The following NFASC variants were observed in gnomAD, a reference collection of about 807,000 sequenced individuals.
NFASC encodes the protein neurofascin homolog.
In NFASC, 43 loss-of-function variants were observed where a neutral mutation model predicts 147.5. The observed-to-expected ratio is 0.29, with a 90% CI of 0.23 to 0.38. NFASC has a LOEUF of 0.38. Among genes scored for constraint, NFASC ranks in the 10% least tolerant of loss-of-function variants. The probability of loss-of-function intolerance (pLI) is 1.00; values close to 1 mark genes in which losing one functional copy is unlikely to be tolerated. For missense variants in NFASC, 1,320 were observed against 1,689.0 expected (o/e 0.78, Z 3.83); for synonymous variants, 622 against 665.5 (o/e 0.93, Z 1.01).
chr1:204,969,806 G>A (rs2095154512), intron 10 of NFASC, among the ~76,000 whole-genome samples: 2 of 152,150 alleles, frequency 1.3e-5, no homozygotes, highest in South Asian at 4.1e-4. Flanking sequence ...AGCTGGGCGT[G>A]GTGGCTCATG....
chr1:205,000,949 G>A (rs1277505021), intron 25 of NFASC: 4 of 580,298 alleles, frequency 6.9e-6, no homozygotes, highest in South Asian at 3.9e-5. Context: ...CCTGGACAGC[G>A]ACCTCTGGCC....
At chr1:204,961,183 T>C (rs1468290349) in intron 8 of NFASC, among the ~76,000 whole-genome samples, 1 of 152,216 alleles carries the variant, frequency 6.6e-6, no homozygotes, top group African/African-American at 2.4e-5. Flanking sequence ...GGCGTGATGA[T>C]GTGTCCTCTT....
At chr1:204,881,898 C>T (rs1198731893) in intron 1 of NFASC, among the ~76,000 whole-genome samples, 1 of 152,150 alleles carries the variant, frequency 6.6e-6, no homozygotes, top group African/African-American at 2.4e-5. Context: ...CTAGGTTCCT[C>T]ATCCTCCACC....
rs531968630 is a variant in NFASC at position 204,837,817 on chromosome 1, A to G, written c.-200+9035A>G. On this transcript the variant is annotated intron_variant, in intron 1 of 29. Transcript: ENST00000339876. The stretch of plus-strand genomic sequence containing the variant: ...CAGCATGTGGGCTTTTTGTCAGTAA[A>G]ATAGTTACAGTATCTGACTTTATGG... 5.3e-5 allele frequency among the ~76,000 whole-genome samples: 8 copies of G among 152,260 alleles called. No individual in the cohort carries two copies. The South Asian group carries it at 1.7e-3, about 32-fold the overall frequency.
intron 4 of NFASC, 73 bp downstream of exon 4, chr1:204,950,647 G>T: frequency 7.0e-7 from 1 of 1,424,786 alleles, no homozygotes; most frequent in Non-Finnish European, 9.8e-7. Flanking sequence ...TGATACCTGG[G>T]GATTAGTGGC....
At chr1:204,976,959 C>G in intron 16 of NFASC, 164 bp downstream of exon 16, 3 of 1,398,532 alleles carry the variant, frequency 2.1e-6, no homozygotes, top group Middle Eastern at 1.8e-4. Flanking sequence ...AGGGAGCTGC[C>G]AGTTTCAGAA....
In NFASC at chr1:205,016,270, C is replaced by A; in HGVS notation, c.3492-38C>A. The A allele has an allele frequency of 6.7e-7, 1 of 1,481,976 alleles. No individual in the cohort carries two copies. Among genetic ancestry groups the A allele is most frequent in the Non-Finnish European group, 9.4e-7 (1 of 1,060,454 alleles). The allele number at this position is 1,481,976 out of a possible 1,614,324, so 91.8% of individuals were successfully genotyped here. A position where few individuals can be genotyped will look rare whatever the true frequency, so the allele number is the denominator to read the frequency against. ...GCTGGCAGGAGGCCAGCTGCCCCAT[C>A]TCACCCCACCTGAGATTCTCTGTCT... On this transcript the variant is annotated intron_variant, in intron 29 of 29. Coordinates refer to ENST00000339876, the MANE Select transcript of NFASC (RefSeq NM_001005388.3). The surrounding 1 kb of genome is among the most constrained non-coding windows in gnomAD (Gnocchi z 5.1).
At chr1:204,837,994 A>G (rs1353262095) in intron 1 of NFASC, among the ~76,000 whole-genome samples, 1 of 152,080 alleles carries the variant, frequency 6.6e-6, no homozygotes, top group African/African-American at 2.4e-5. Flanking sequence ...GAAAATGCAC[A>G]CCCTCTATTC....
chr1:205,005,250 A>C (rs1218646730), intron 27 of NFASC, among the ~76,000 whole-genome samples: 1 of 151,906 alleles, frequency 6.6e-6, no homozygotes, highest in Non-Finnish European at 1.5e-5. Flanking sequence ...TTGTTAATCT[A>C]TCCCTATTTC....
intron 1 of NFASC, among the ~76,000 whole-genome samples, chr1:204,893,472 T>C (rs1250823652): frequency 6.6e-6 from 1 of 152,188 alleles, no homozygotes; most frequent in Admixed American, 6.5e-5. Context: ...GAAATGCCCA[T>C]GTTTGAAGTA....
At chr1:204,869,810 A>G (rs1278769926) in intron 1 of NFASC, among the ~76,000 whole-genome samples, 4 of 152,188 alleles carry the variant, frequency 2.6e-5, no homozygotes, top group Non-Finnish European at 5.9e-5. Flanking sequence ...TGGGCGTGCC[A>G]TAGTTTGTTT....
chr1:204,899,629 C>T (rs1444911009), intron 1 of NFASC, among the ~76,000 whole-genome samples: 3 of 152,194 alleles, frequency 2.0e-5, no homozygotes, highest in Admixed American at 6.5e-5. Flanking sequence ...CCCTGGCAGC[C>T]GTGACTGCTG....
At chr1:204,925,765 A>G (rs554490608) in intron 2 of NFASC, among the ~76,000 whole-genome samples, 1 of 152,284 alleles carries the variant, frequency 6.6e-6, no homozygotes, top group African/African-American at 2.4e-5. Flanking sequence ...AATCCACCCA[A>G]TAGAGGACAG....
chr1:204,950,957 G>A lies in NFASC; in HGVS notation c.109+383G>A, dbSNP rs759964988. Among the ~76,000 whole-genome samples, 6 of 152,120 alleles carry A rather than the reference G, an allele frequency of 3.9e-5. 1 individual carries two copies. The highest frequency in any genetic ancestry group is 2.0e-4 in the Admixed American group (3 of 15,262). On this transcript the variant is annotated intron_variant, in intron 4 of 29. Coordinates refer to ENST00000339876, the MANE Select transcript of NFASC (RefSeq NM_001005388.3). Reference sequence around the variant, plus strand: ...GCTCTAGCCTCACCATAGTTTGGCCGTTTGTTGAGCCTCCAGGGCTCAGAA... The same window carrying A: ...GCTCTAGCCTCACCATAGTTTGGCCATTTGTTGAGCCTCCAGGGCTCAGAA...
At chr1:204,838,541 T>C (rs1424591530) in intron 1 of NFASC, among the ~76,000 whole-genome samples, 3 of 152,194 alleles carry the variant, frequency 2.0e-5, no homozygotes, top group Admixed American at 6.5e-5. Context: ...GAGGGAAGGC[T>C]CCTTGGATTC....
At chr1:204,899,930 C>T (rs533441750) in intron 1 of NFASC, among the ~76,000 whole-genome samples, 2 of 152,286 alleles carry the variant, frequency 1.3e-5, no homozygotes, top group South Asian at 4.1e-4. Context: ...ATCATTTGAG[C>T]TTCAATTTTC....
chr1:205,012,830 A>G lies in NFASC; in HGVS notation c.3455A>G (p.Glu1152Gly). The change falls in exon 29 of 30, where the codon GAA (glutamate) becomes GGA (glycine). Residue 1152 changes from glutamate (E) to glycine (G), a missense_variant. By Grantham distance (98) the Glu-to-Gly change is moderately conservative. Coordinates refer to ENST00000339876, the MANE Select transcript of NFASC (RefSeq NM_001005388.3). ...REKKDVPLGP[E>G]DPKEEDGSFD... ...AAGAAGGATGTTCCCCTTGGCCCTG[A>G]AGACCCCAAGGAAGAGGATGGCTCA... 1 of 1,613,856 alleles carries G rather than the reference A, an allele frequency of 6.2e-7. No individual in the cohort carries two copies. Among genetic ancestry groups the G allele is most frequent in the East Asian group, 2.2e-5 (1 of 44,874 alleles).
chr1:204,995,049 G>A (rs2095817184), intron 24 of NFASC, among the ~76,000 whole-genome samples: 1 of 152,174 alleles, frequency 6.6e-6, no homozygotes, highest in African/African-American at 2.4e-5. Flanking sequence ...GAGCCTGGGA[G>A]GTCGAGGCTA....
At chr1:204,928,374 C>T (rs576479443) in intron 2 of NFASC, among the ~76,000 whole-genome samples, 6 of 152,236 alleles carry the variant, frequency 3.9e-5, no homozygotes, top group Non-Finnish European at 5.9e-5. Context: ...GTAGAGTCGG[C>T]GATGTCCTCC....
Sources: allele counts gnomAD v4.1 joint callset (sites outside exome capture counted in the v4.1 genomes callset), GRCh38; gene constraint gnomAD v4.1.1; non-coding constraint Gnocchi (gnomAD v3.1); transcripts MANE v1.5; gene names NCBI Gene and HGNC (gene_info 2026-07-23, HGNC 2026-07-21).